MALRD1: variants seen among roughly 807,000 people sequenced by gnomAD.
The protein encoded by MALRD1 is MAM and LDL-receptor class A domain-containing protein 1.
A neutral mutation model predicts 242.1 loss-of-function variants in MALRD1; 247 were observed. The observed-to-expected ratio is 1.02, with a 90% CI of 0.92 to 1.13. The LOEUF is 1.13. Among genes scored for constraint, MALRD1 ranks in the 50% most tolerant of loss-of-function variants. The pLI, the probability that MALRD1 is intolerant of heterozygous loss-of-function variation, is 0.00. For synonymous variants in MALRD1, 995 were observed against 866.6 expected, an observed-to-expected ratio of 1.15 and a Z score of -2.60; for missense variants, 2,989 against 2,533.1, an observed-to-expected ratio of 1.18 and a Z score of -3.86.
At chr10:19,391,911 C>T (rs1289680404) in intron 28 of MALRD1, among the ~76,000 whole-genome samples, 3 of 151,794 alleles carry the variant, frequency 2.0e-5, no homozygotes, top group Non-Finnish European at 4.4e-5. Context: ...GAGGTTGTGG[C>T]TGGGCTGGAG....
intron 13 of MALRD1, among the ~76,000 whole-genome samples, chr10:19,166,223 T>A (rs770249171): frequency 4.6e-5 from 7 of 152,216 alleles, no homozygotes; most frequent in Non-Finnish European, 8.8e-5. Context: ...TGGGCTGTAA[T>A]ATTTTAATCC....
chr10:19,595,139 T>C lies in MALRD1; in HGVS notation c.5681-55T>C, dbSNP rs915208502. ...AATGCAACCTGTAATGTCCCAACAC[T>C]GGATGGAGGGAAACTCCCTAATGCC... On this transcript the variant is annotated intron_variant, in intron 33 of 39. Transcript: ENST00000454679. The C allele has an allele frequency of 2.1e-5, 31 of 1,490,222 alleles. No homozygotes were observed. The South Asian group carries it at 2.8e-4, about 13-fold the overall frequency. The allele number at this position is 1,490,222 out of a possible 1,614,324, so 92.3% of individuals were successfully genotyped here. A position where few individuals can be genotyped will look rare whatever the true frequency, so the allele number is the denominator to read the frequency against.
intron 19 of MALRD1, among the ~76,000 whole-genome samples, chr10:19,276,025 C>T (rs1169105380): frequency 3.9e-5 from 6 of 152,078 alleles, no homozygotes; most frequent in African/African-American, 1.2e-4. Flanking sequence ...AAAATGGCTG[C>T]CTAAATTGGA....
intron 38 of MALRD1, among the ~76,000 whole-genome samples, chr10:19,723,446 A>T (rs1180667244): frequency 6.6e-6 from 1 of 152,120 alleles, no homozygotes; most frequent in Non-Finnish European, 1.5e-5. Flanking sequence ...TAAAGTTTTG[A>T]GCTCAGGTCA....
intron 18 of MALRD1, among the ~76,000 whole-genome samples, chr10:19,211,704 A>C (rs1837079273): frequency 6.6e-6 from 1 of 150,740 alleles, no homozygotes; most frequent in Non-Finnish European, 1.5e-5. Context: ...AAAAAAAAAA[A>C]AAAAAAAAAA....
Position 19,546,939 on chromosome 10 carries a change from C to T in MALRD1, c.5478+15588C>T, listed in dbSNP as rs192387591. ...ATATTTACAACTTTTGAAGAACCTA[C>T]TAAAAGAACAGTAATTCAGCTTAGA... On this transcript the variant is annotated intron_variant, in intron 32 of 39. Coordinates refer to ENST00000454679, the MANE Select transcript of MALRD1 (RefSeq NM_001142308.3). Among the ~76,000 whole-genome samples, 86 of 152,240 alleles carry T rather than the reference C, an allele frequency of 5.6e-4. No homozygotes were observed. In the East Asian group the frequency reaches 0.014, roughly 25 times the overall value.
chr10:19,196,470 G>C (rs759072142), intron 14 of MALRD1, among the ~76,000 whole-genome samples: 1 of 151,286 alleles, frequency 6.6e-6, no homozygotes, highest in Non-Finnish European at 1.5e-5. Context: ...GACACAGATG[G>C]TATCACCCTC....
chr10:19,256,347 CT>C (rs1839511152), intron 18 of MALRD1, among the ~76,000 whole-genome samples: 1 of 152,004 alleles, frequency 6.6e-6, no homozygotes, highest in Non-Finnish European at 1.5e-5. Flanking sequence ...GTAGTATGTT[CT>C]TTCAAATTCT....
intron 28 of MALRD1, among the ~76,000 whole-genome samples, chr10:19,434,602 A>T (rs932536087): frequency 4.6e-5 from 7 of 152,062 alleles, no homozygotes; most frequent in African/African-American, 1.4e-4. Flanking sequence ...CTAGATTCAC[A>T]TATTATTCTA....
intron 25 of MALRD1, among the ~76,000 whole-genome samples, chr10:19,350,657 T>G (rs558149301): frequency 2.0e-4 from 30 of 152,230 alleles, no homozygotes; most frequent in Non-Finnish European, 3.5e-4. Context: ...GAAATAGGGG[T>G]GTTGGTGCAT....
chr10:19,633,791 T>G (rs1306755110), intron 36 of MALRD1: 1 of 151,924 alleles, frequency 6.6e-6, no homozygotes, highest in African/African-American at 2.4e-5. Flanking sequence ...TCAAACACAT[T>G]CAGGATAGTA....
At chr10:19,652,231 G>A (rs1459352188) in intron 36 of MALRD1, among the ~76,000 whole-genome samples, 2 of 152,104 alleles carry the variant, frequency 1.3e-5, no homozygotes, top group Non-Finnish European at 2.9e-5. Context: ...TATCATACAA[G>A]GTTGGTTTGT....
At chr10:19,535,536 C>T (rs1453705568) in intron 32 of MALRD1, among the ~76,000 whole-genome samples, 1 of 147,824 alleles carries the variant, frequency 6.8e-6, no homozygotes, top group Non-Finnish European at 1.5e-5. Context: ...TATGTATATA[C>T]ATATACATAT....
intron 14 of MALRD1, among the ~76,000 whole-genome samples, chr10:19,184,846 C>T (rs1342010999): frequency 6.6e-6 from 1 of 152,184 alleles, no homozygotes; most frequent in East Asian, 1.9e-4. Context: ...CCATGCCTGG[C>T]CTAAATTGTC....
intron 2 of MALRD1, among the ~76,000 whole-genome samples, chr10:19,074,779 T>A (rs1835265946): frequency 6.6e-6 from 1 of 152,074 alleles, no homozygotes; most frequent in African/African-American, 2.4e-5. Context: ...GCAAATTTAT[T>A]TTTATAGGCA....
chr10:19,054,483 C>A (rs1049548327), intron 1 of MALRD1, among the ~76,000 whole-genome samples: 1 of 152,018 alleles, frequency 6.6e-6, no homozygotes, highest in Non-Finnish European at 1.5e-5. Flanking sequence ...CTGTAGTCAC[C>A]CTGTTGTGCA....
chr10:19,558,765 A>G (rs1047121397), intron 32 of MALRD1, among the ~76,000 whole-genome samples: 2 of 152,052 alleles, frequency 1.3e-5, no homozygotes, highest in Non-Finnish European at 2.9e-5. Flanking sequence ...AATTGATTGA[A>G]TTTCTTTAAT....
At chr10:19,165,241 G>GC (rs1834625256) in intron 12 of MALRD1, among the ~76,000 whole-genome samples, 1 of 28,212 alleles carries the variant, frequency 3.5e-5, no homozygotes, top group African/African-American at 5.1e-4. Context: ...AAGTTGTTTG[G>GC]AATATATATA....
Position 19,498,628 on chromosome 10 carries a change from G to A in MALRD1, c.5302G>A (p.Asp1768Asn), listed in dbSNP as rs1837830980. Residue 1768 changes from aspartate to asparagine, a missense_variant, in exon 31 of 40, where the codon GAC becomes AAC. By Grantham distance (23) the Asp-to-Asn change is conservative. Coordinates refer to ENST00000454679, the MANE Select transcript of MALRD1 (RefSeq NM_001142308.3). ...AATTCCTGCCAAAGCATTAATTCCA[G>A]ACTCTGATCACACGCCAGGTAAATC... ...SRIPAKALIP[D>N]SDHTPGSGQH... 1.3e-6 allele frequency: 2 copies of A among 1,549,826 alleles called. No homozygotes were observed. Among genetic ancestry groups the A allele is most frequent in the East Asian group, 2.4e-5 (1 of 40,914 alleles).
Sources: allele counts gnomAD v4.1 joint callset (sites outside exome capture counted in the v4.1 genomes callset), GRCh38; gene constraint gnomAD v4.1.1; transcripts MANE v1.5; gene names NCBI Gene and HGNC (gene_info 2026-07-23, HGNC 2026-07-21).